The following MLPH variants were observed in gnomAD, a reference collection of about 807,000 sequenced individuals.
MLPH encodes the protein exophilin-3.
MLPH carries 51 observed loss-of-function variants against 72.1 expected under a neutral mutation model. That is an observed-to-expected ratio of 0.71 (90% CI 0.56 to 0.89). The LOEUF is 0.89. MLPH is among the 40% of genes least tolerant of loss of function. MLPH has a pLI of 0.00. For missense variants in MLPH, 743 were observed against 759.9 expected, an observed-to-expected ratio of 0.98 and a Z score of 0.26; for synonymous variants, 301 against 310.1, an observed-to-expected ratio of 0.97 and a Z score of 0.31.
At chr2:237,527,282 T>C (rs756535987) in intron 7 of MLPH, 95 bp from the exon 8 acceptor site, 1 of 1,519,318 alleles carries the variant, frequency 6.6e-7, no homozygotes, top group South Asian at 1.1e-5. Flanking sequence ...ATGTCTTCAT[T>C]TTCTTTGAGC....
At chr2:237,528,690 CCTCT>C (rs34810686) in intron 8 of MLPH, among the ~76,000 whole-genome samples, 18,594 of 152,066 alleles carry the variant, frequency 0.12, 1,391 homozygotes, top group South Asian at 0.29. Flanking sequence ...GTAACCACCA[CCTCT>C]CTCTAATTCC....
At chr2:237,532,616 A>G (rs1464173845) in intron 8 of MLPH, among the ~76,000 whole-genome samples, 2 of 152,196 alleles carry the variant, frequency 1.3e-5, no homozygotes, top group African/African-American at 4.8e-5. Context: ...TGTAAACTCT[A>G]AACTTTGGTA....
chr2:237,524,822 A>G (rs2080267175), intron 6 of MLPH, among the ~76,000 whole-genome samples: 1 of 152,184 alleles, frequency 6.6e-6, no homozygotes, highest in South Asian at 2.1e-4. Flanking sequence ...CTCCATTCCC[A>G]GCATCCCCTG....
intron 7 of MLPH, 24 bp downstream of exon 7, chr2:237,525,829 T>C: frequency 6.2e-7 from 1 of 1,605,850 alleles, no homozygotes. Flanking sequence ...GCCAGGGTCT[T>C]CCTGATGGGC....
intron 2 of MLPH, among the ~76,000 whole-genome samples, chr2:237,501,750 G>T (rs1471967694): frequency 2.0e-5 from 3 of 151,372 alleles, no homozygotes; most frequent in African/African-American, 2.4e-5. Flanking sequence ...TCAGGAGGCT[G>T]AGGCAAGAAA....
intron 8 of MLPH, among the ~76,000 whole-genome samples, chr2:237,528,859 A>T (rs965629348): frequency 6.6e-6 from 1 of 152,222 alleles, no homozygotes; most frequent in African/African-American, 2.4e-5. Flanking sequence ...ACAGAAGGAC[A>T]TCTGGCCTTT....
chr2:237,511,207 T>C (rs1174658612), intron 4 of MLPH, 106 bp downstream of exon 4: 6 of 855,216 alleles, frequency 7.0e-6, no homozygotes, highest in East Asian at 2.5e-5. Flanking sequence ...TGTGTGTGCA[T>C]GTGTGTGTGC....
chr2:237,512,076 G>A lies in MLPH; in HGVS notation c.445+975G>A, dbSNP rs978030626. 1.6e-4 allele frequency among the ~76,000 whole-genome samples: 24 copies of A among 152,232 alleles called. No individual in the cohort carries two copies. The highest frequency in any genetic ancestry group is 7.9e-4 in the Admixed American group (12 of 15,286). On this transcript the variant is annotated intron_variant, in intron 4 of 15. Coordinates refer to ENST00000264605, the MANE Select transcript of MLPH (RefSeq NM_024101.7). The surrounding 1 kb of genome is among the most constrained non-coding windows in gnomAD (Gnocchi z 5.5). ...ATGACTCCATCTGCAAGACCAAGGC[G>A]AGTTTCTCCAGGGCCACGAGGCAGC...
chr2:237,528,532 GTA>G (rs2080353312), intron 8 of MLPH, among the ~76,000 whole-genome samples: 1 of 152,052 alleles, frequency 6.6e-6, no homozygotes, highest in African/African-American at 2.4e-5. Context: ...TGTATTTTTA[GTA>G]GAGACGGGGT....
intron 9 of MLPH, among the ~76,000 whole-genome samples, chr2:237,537,216 G>T (rs568674271): frequency 6.7e-6 from 1 of 149,158 alleles, no homozygotes; most frequent in Non-Finnish European, 1.5e-5. Context: ...TGTCACACAC[G>T]TATGTTGTCA....
rs896274564 is a variant in MLPH, at chr2:237,510,850, C to G, written c.332+55C>G. 30 of 1,600,312 alleles carry G rather than the reference C, an allele frequency of 1.9e-5. No individual in the cohort carries two copies. In the East Asian group the frequency reaches 6.2e-4, roughly 33 times the overall value. ...TTGATAGTTTCTGGATCTGGCGTGT[C>G]CCTTCCATGGGGCTAGCTGAAGAAG... is the stretch of plus-strand genomic sequence containing the variant. On this transcript the variant is annotated intron_variant, in intron 3 of 15. Transcript: ENST00000264605. This position sits in a 1 kb window ranked among gnomAD's most constrained non-coding sequence, Gnocchi z 4.4.
chr2:237,533,711 C>T (rs1167375574), intron 8 of MLPH, among the ~76,000 whole-genome samples: 1 of 152,250 alleles, frequency 6.6e-6, no homozygotes, highest in Non-Finnish European at 1.5e-5. Context: ...GTATTGATCT[C>T]TGCTTCTGCA....
intron 2 of MLPH, among the ~76,000 whole-genome samples, chr2:237,502,114 T>C (rs1040500628): frequency 2.0e-5 from 3 of 152,230 alleles, no homozygotes; most frequent in Admixed American, 6.5e-5. Context: ...TGTTTTCCTG[T>C]AATCTGGTGG....
At chr2:237,534,469 T>C in intron 8 of MLPH, 95 bp from the exon 9 acceptor site, 1 of 1,024,450 alleles carries the variant, frequency 9.8e-7, no homozygotes. Context: ...TTCCGCTTCT[T>C]GGGAATTTGG....
chr2:237,525,964 C>T (rs1016357775), intron 7 of MLPH, among the ~76,000 whole-genome samples, 159 bp downstream of exon 7: 5 of 152,224 alleles, frequency 3.3e-5, no homozygotes, highest in African/African-American at 1.2e-4. Context: ...CAGCAAACAC[C>T]GTGGACACCT....
Position 237,541,988 on chromosome 2 carries a change from G to A in MLPH, c.1447-579G>A, listed in dbSNP as rs190820239. Among the ~76,000 whole-genome samples the A allele has an allele frequency of 3.0e-4, 46 of 152,330 alleles. 1 individual carries two copies. The highest frequency in any genetic ancestry group is 1.0e-3 in the African/African-American group (42 of 41,576). On this transcript the variant is annotated intron_variant, in intron 11 of 15. Coordinates refer to ENST00000264605, the MANE Select transcript of MLPH (RefSeq NM_024101.7). This position sits in a 1 kb window ranked among gnomAD's most constrained non-coding sequence, Gnocchi z 5.1. ...AGGCCCTGGGGTGGCAGTGGGCTTG[G>A]TGCCTGCAGGGATTAGCCGTGAAAC...
intron 4 of MLPH, among the ~76,000 whole-genome samples, chr2:237,517,279 GTGGATGCA>G (rs919873908): frequency 4.0e-5 from 6 of 148,560 alleles, no homozygotes; most frequent in African/African-American, 9.9e-5. Context: ...GGATAGATGG[GTGGATGCA>G]TGGATGCATG....
intron 5 of MLPH, 121 bp downstream of exon 5, chr2:237,518,769 C>T: frequency 2.6e-6 from 2 of 761,286 alleles, no homozygotes; most frequent in South Asian, 1.5e-5. Context: ...GTTTCTACTG[C>T]ATGAGCACCA....
In MLPH at chr2:237,492,328, G is replaced by A. The variant is rs146598659; in HGVS notation, c.-24-1075G>A. ...ATCACATAGTGCATTGGGTGGGGCC[G>A]CTGCTCTGCTGAGCAGCTGAGTCAC... On this transcript the variant is annotated intron_variant, in intron 1 of 15. Coordinates refer to ENST00000264605, the MANE Select transcript of MLPH (RefSeq NM_024101.7). Among the ~76,000 whole-genome samples the A allele has an allele frequency of 4.0e-3, 602 of 152,160 alleles. 12 individuals are homozygous for A. The South Asian group carries it at 0.043, about 11-fold the overall frequency.
Sources: allele counts gnomAD v4.1 joint callset (sites outside exome capture counted in the v4.1 genomes callset), GRCh38; gene constraint gnomAD v4.1.1; non-coding constraint Gnocchi (gnomAD v3.1); transcripts MANE v1.5; gene names NCBI Gene and HGNC (gene_info 2026-07-23, HGNC 2026-07-21).